The following ANK2 variants were observed in gnomAD, a reference collection of about 807,000 sequenced individuals.
ANK2 encodes the protein ankyrin 2.
Under a neutral mutation model 360.5 loss-of-function variants are expected in ANK2, and 83 were observed. That is an observed-to-expected ratio of 0.23 (90% CI 0.19 to 0.28). ANK2 has a LOEUF of 0.28. Among genes scored for constraint, ANK2 ranks in the 10% least tolerant of loss-of-function variants. ANK2 has a pLI of 1.00. For synonymous variants in ANK2, 1,740 were observed against 1,759.5 expected (o/e 0.99, Z 0.28); for missense variants, 4,201 against 4,795.7 (o/e 0.88, Z 3.66).
intron 16 of ANK2, among the ~76,000 whole-genome samples, 162 bp from the exon 17 acceptor site, chr4:113,278,298 T>A (rs532904561): frequency 6.6e-6 from 1 of 152,356 alleles, no homozygotes; most frequent in South Asian, 2.1e-4. Flanking sequence ...ATGTTTTTAA[T>A]ATGAAAATTA....
intron 1 of ANK2, among the ~76,000 whole-genome samples, chr4:112,858,042 CAT>C (rs1206513464): frequency 2.0e-5 from 3 of 152,028 alleles, no homozygotes; most frequent in Non-Finnish European, 2.9e-5. Flanking sequence ...AGTTTCAAAA[CAT>C]ATATATATGT....
In ANK2 at chr4:112,850,738, G is replaced by A. The variant is rs537889278; in HGVS notation, c.-40+32474G>A. Among the ~76,000 whole-genome samples the A allele has an allele frequency of 4.6e-5, 7 of 151,070 alleles. No homozygotes were observed. The South Asian group carries it at 1.3e-3, about 27-fold the overall frequency. ...TCACCGTGTTAGCCAGGATGATCTC[G>A]ATCTCCTGACCTCGTGATCCGCCCG... On this transcript the variant is annotated intron_variant, in intron 1 of 30. Transcript: ENST00000503271.
the ANK2 span, among the ~76,000 whole-genome samples, chr4:112,721,580 C>A: frequency 6.7e-6 from 1 of 150,230 alleles, no homozygotes; most frequent in East Asian, 2.0e-4. Context: ...GGTTGGCTAC[C>A]CTGAAGACTT....
chr4:113,038,603 C>T (rs2062145756), intron 2 of ANK2, among the ~76,000 whole-genome samples: 1 of 151,954 alleles, frequency 6.6e-6, no homozygotes, highest in Non-Finnish European at 1.5e-5. Flanking sequence ...CCACCTACCC[C>T]TCAACAAGAG....
At position 113,282,742 on chromosome 4, in the gene ANK2, A is replaced by C. The variant is rs191468663; in HGVS notation, c.1949A>C (p.Asn650Thr). 1 of 1,613,956 alleles carries C rather than the reference A, an allele frequency of 6.2e-7. No homozygotes were observed. Among genetic ancestry groups the C allele is most frequent in the African/African-American group, 1.3e-5 (1 of 75,036 alleles). ...ATGCAGATAGCTTCCACACTCCTGA[A>C]CTATGGAGCAGAGACAAACATTGTG... ...NQMQIASTLL[N>T]YGAETNIVTK... Residue 650 changes from asparagine to threonine, a missense_variant, in exon 18 of 46, where the codon AAC becomes ACC. Asn to Thr is a moderately conservative substitution (Grantham distance 65). Transcript: ENST00000357077.
chr4:113,365,281 T>G lies in ANK2; in HGVS notation c.11032+99T>G, dbSNP rs1332844517. The G allele has an allele frequency of 4.4e-6, 6 of 1,361,306 alleles. No homozygotes were observed. The East Asian group carries it at 1.5e-4, about 34-fold the overall frequency. The allele number at this position is 1,361,306 out of a possible 1,614,324, so 84.3% of individuals were successfully genotyped here. On this transcript the variant is annotated intron_variant, in intron 41 of 45. Coordinates refer to ENST00000357077, the MANE Select transcript of ANK2 (RefSeq NM_001148.6). Reference sequence around the variant, plus strand: ...GGCACTGGACCTACTGTCTTTTTTTTTTTTCAGAAGGTAGACCATGGCCTA... The same window carrying G: ...GGCACTGGACCTACTGTCTTTTTTTGTTTTCAGAAGGTAGACCATGGCCTA...
chr4:112,723,788 A>C, the ANK2 span, among the ~76,000 whole-genome samples: 1 of 152,236 alleles, frequency 6.6e-6, no homozygotes, highest in Non-Finnish European at 1.5e-5. Context: ...CAAAGGTCAC[A>C]GTTAGATGAT....
At chr4:112,927,214 A>C (rs2092673475) in intron 2 of ANK2, among the ~76,000 whole-genome samples, 1 of 152,168 alleles carries the variant, frequency 6.6e-6, no homozygotes, top group South Asian at 2.1e-4. Flanking sequence ...TCACATGTAC[A>C]TATATCAGAT....
At chr4:112,765,377 CT>C in the ANK2 span, among the ~76,000 whole-genome samples, 2 of 151,968 alleles carry the variant, frequency 1.3e-5, no homozygotes, top group Non-Finnish European at 2.9e-5. Context: ...TTTTTATGAC[CT>C]TTCCTTGACC....
In ANK2 at chr4:113,298,225, GA is replaced by G. The variant is rs549322706; in HGVS notation, c.2476-4534del. Among the ~76,000 whole-genome samples, 840 of 151,184 alleles carry G rather than the reference GA, an allele frequency of 5.6e-3. 3 individuals carry two copies. The highest frequency in any genetic ancestry group is 9.9e-3 in the Non-Finnish European group (673 of 67,760). On this transcript the variant is annotated intron_variant, in intron 22 of 45. Coordinates refer to ENST00000357077, the MANE Select transcript of ANK2 (RefSeq NM_001148.6). ...AAAAACATCTACCCTAGTTTTTCTA[GA>G]AAAAAAACAGTATTTACATAATATT...
intron 1 of ANK2, among the ~76,000 whole-genome samples, chr4:113,099,346 GA>G (rs1395422968): frequency 6.6e-6 from 1 of 151,840 alleles, no homozygotes; most frequent in Non-Finnish European, 1.5e-5. Flanking sequence ...AAAGTCAGCT[GA>G]TTTCCTATAT....
chr4:113,040,709 T>C (rs1431374766), intron 2 of ANK2, among the ~76,000 whole-genome samples: 1 of 152,056 alleles, frequency 6.6e-6, no homozygotes, highest in Non-Finnish European at 1.5e-5. Context: ...AGGTAAGATA[T>C]AATGCCACCT....
intron 4 of ANK2, among the ~76,000 whole-genome samples, chr4:113,214,704 C>T (rs2099066701): frequency 6.6e-6 from 1 of 152,068 alleles, no homozygotes; most frequent in African/African-American, 2.4e-5. Context: ...TTTAAATATC[C>T]TATCTGAAAT....
rs7684994 is a variant in ANK2 at position 112,985,099 on chromosome 4, C to T, written c.21+80585C>T. 6.5e-3 allele frequency among the ~76,000 whole-genome samples: 989 copies of T among 152,302 alleles called. 7 individuals carry two copies. The highest frequency in any genetic ancestry group is 0.022 in the African/African-American group (902 of 41,562). The stretch of plus-strand genomic sequence containing the variant: ...GTGATGTCATTCAAAACTGGACTGT[C>T]CACCTGTATCTGCTGCTATGAAGAC... On this transcript the variant is annotated intron_variant, in intron 2 of 30. Transcript: ENST00000503271.
chr4:113,123,706 G>C (rs2095503688), intron 1 of ANK2, among the ~76,000 whole-genome samples: 1 of 152,092 alleles, frequency 6.6e-6, no homozygotes, highest in Non-Finnish European at 1.5e-5. Context: ...GGGTAGACTG[G>C]AAGGGAAAAG....
At chr4:112,968,715 A>G (rs1010894833) in intron 2 of ANK2, among the ~76,000 whole-genome samples, 2 of 152,184 alleles carry the variant, frequency 1.3e-5, no homozygotes, top group Non-Finnish European at 2.9e-5. Context: ...ATTATTTGCC[A>G]TTTCTATATA....
chr4:113,293,190 G>C, intron 21 of ANK2: 1 of 629,470 alleles, frequency 1.6e-6, no homozygotes, highest in Non-Finnish European at 2.9e-6. Context: ...TAGGGTTAAA[G>C]CGTCAAGTGC....
intron 1 of ANK2, among the ~76,000 whole-genome samples, chr4:113,080,850 A>G (rs2082120091): frequency 6.6e-6 from 1 of 152,124 alleles, no homozygotes; most frequent in Admixed American, 6.5e-5. Context: ...GAAACCCTGG[A>G]TGCATTGGAG....
At chr4:113,291,799 C>T (rs1230584089) in intron 20 of ANK2, among the ~76,000 whole-genome samples, 1 of 152,166 alleles carries the variant, frequency 6.6e-6, no homozygotes, top group Non-Finnish European at 1.5e-5. Flanking sequence ...ATCTGAACCT[C>T]GCCCGATTGT....
Sources: allele counts gnomAD v4.1 joint callset (sites outside exome capture counted in the v4.1 genomes callset), GRCh38; gene constraint gnomAD v4.1.1; transcripts MANE v1.5; gene names NCBI Gene and HGNC (gene_info 2026-07-23, HGNC 2026-07-21).